The following ADA variants were observed in gnomAD, a reference collection of about 807,000 sequenced individuals.
The protein encoded by ADA is adenosine deaminase, also known as adenosine aminohydrolase.
In ADA, 45 loss-of-function variants were observed where a neutral mutation model predicts 49.0. That is an observed-to-expected ratio of 0.92 (90% CI 0.72 to 1.18). ADA has a LOEUF of 1.18. ADA is among the 50% of genes most tolerant of loss of function. The pLI is 0.00. For synonymous variants in ADA, 173 were observed against 184.2 expected, an observed-to-expected ratio of 0.94 and a Z score of 0.49; for missense variants, 445 against 472.5, an observed-to-expected ratio of 0.94 and a Z score of 0.54.
chr20:44,638,341 C>T (rs546553166), intron 1 of ADA, among the ~76,000 whole-genome samples: 2 of 152,174 alleles, frequency 1.3e-5, no homozygotes, highest in Non-Finnish European at 2.9e-5. Context: ...TTTGGGAGGC[C>T]GAGGTGGGTG....
At chr20:44,638,172 C>A (rs2065497780) in intron 1 of ADA, among the ~76,000 whole-genome samples, 1 of 152,234 alleles carries the variant, frequency 6.6e-6, no homozygotes. Flanking sequence ...GCATCCTCAT[C>A]TGTTAAGTGG....
intron 1 of ADA, among the ~76,000 whole-genome samples, chr20:44,643,205 G>A (rs560136739): frequency 6.6e-6 from 1 of 152,312 alleles, no homozygotes; most frequent in African/African-American, 2.4e-5. Flanking sequence ...TATCTACTAT[G>A]TGCTAGACCA....
rs1054363452 is a variant in ADA, at chr20:44,621,217, G to T, written c.846-70C>A. The T allele has an allele frequency of 1.9e-6, 3 of 1,595,006 alleles. No individual in the cohort carries two copies. The South Asian group carries it at 3.3e-5, about 18-fold the overall frequency. On this transcript the variant is annotated intron_variant, in intron 9 of 11. Transcript: ENST00000372874. ...ACATAAATAGTCAGAACACATTGAC[G>T]TTCACCCGCCTTTGATCCTCACAGC...
chr20:44,648,404 G>A (rs1034408452), intron 1 of ADA, among the ~76,000 whole-genome samples: 7 of 152,080 alleles, frequency 4.6e-5, no homozygotes, highest in African/African-American at 9.7e-5. Flanking sequence ...AGATCCAGTC[G>A]TTATCTATGA....
intron 5 of ADA, 140 bp from the exon 6 acceptor site, chr20:44,624,469 A>G (rs2065363691): frequency 8.5e-7 from 1 of 1,178,176 alleles, no homozygotes; most frequent in South Asian, 1.2e-5. Context: ...CCTAACTGCT[A>G]TGTCCTAACC....
intron 3 of ADA, among the ~76,000 whole-genome samples, chr20:44,627,426 C>A (rs928440396): frequency 1.3e-5 from 2 of 152,200 alleles, no homozygotes; most frequent in Non-Finnish European, 2.9e-5. Flanking sequence ...CATGATCCGC[C>A]CACCTCAGCC....
intron 1 of ADA, among the ~76,000 whole-genome samples, chr20:44,649,767 A>C (rs1600953511): frequency 8.6e-6 from 1 of 116,940 alleles, no homozygotes; most frequent in African/African-American, 3.5e-5. Flanking sequence ...ACAGCGTCTC[A>C]CTCTGTCACC....
intron 2 of ADA, among the ~76,000 whole-genome samples, chr20:44,633,298 A>C (rs1471206233): frequency 6.6e-6 from 1 of 152,232 alleles, no homozygotes; most frequent in Non-Finnish European, 1.5e-5. Context: ...GAGAAAGAGC[A>C]GACTCTGAAG....
chr20:44,636,536 T>C (rs2065482262), intron 1 of ADA, among the ~76,000 whole-genome samples: 1 of 152,126 alleles, frequency 6.6e-6, no homozygotes, highest in South Asian at 2.1e-4. Context: ...ACACTGAGGT[T>C]CGGAGGTGTT....
chr20:44,626,424 TC>T (rs1275914484), intron 4 of ADA, 31 bp downstream of exon 4: 2 of 1,612,934 alleles, frequency 1.2e-6, no homozygotes, highest in African/African-American at 2.7e-5. Flanking sequence ...AGCCACACCC[TC>T]AGCATGGCCC....
intron 1 of ADA, among the ~76,000 whole-genome samples, chr20:44,637,323 C>T (rs1415191201): frequency 1.3e-5 from 2 of 152,104 alleles, no homozygotes; most frequent in South Asian, 2.1e-4. Context: ...AATATTATGC[C>T]CCCGTGTCCA....
chr20:44,623,898 C>CCA, intron 6 of ADA: 1 of 435,232 alleles, frequency 2.3e-6, no homozygotes. Context: ...CAGGCATGCA[C>CCA]CACCATGCCT....
At chr20:44,635,284 C>G (rs2065469993) in intron 2 of ADA, among the ~76,000 whole-genome samples, 1 of 152,114 alleles carries the variant, frequency 6.6e-6, no homozygotes, top group African/African-American at 2.4e-5. Context: ...TTGGAAGATG[C>G]AGAGATTTAG....
chr20:44,636,226 C>A lies in ADA; in HGVS notation c.95+1G>T. Reference sequence around the variant, plus strand: ...GAGAGGGCTCTTCTGTATGGACTTACCTGCCATAGTATAAGATGGTTTCAG... The same window carrying A: ...GAGAGGGCTCTTCTGTATGGACTTAACTGCCATAGTATAAGATGGTTTCAG... On this transcript the variant is annotated splice_donor_variant, in intron 2 of 11. Transcript: ENST00000372874. LOFTEE classifies it high-confidence loss of function. 1.2e-6 allele frequency: 2 copies of A among 1,609,660 alleles called. No homozygotes were observed. The highest frequency in any genetic ancestry group is 1.7e-6 in the Non-Finnish European group (2 of 1,177,716).
chr20:44,638,442 T>C (rs60829955), intron 1 of ADA, among the ~76,000 whole-genome samples: 2,127 of 152,168 alleles, frequency 0.014, 35 homozygotes, highest in African/African-American at 0.049. Context: ...CCAGGCGTGG[T>C]GGCGCACACC....
At chr20:44,638,824 G>A (rs2065504963) in intron 1 of ADA, among the ~76,000 whole-genome samples, 1 of 152,220 alleles carries the variant, frequency 6.6e-6, no homozygotes, top group Admixed American at 6.5e-5. Flanking sequence ...AATACATCTA[G>A]AGGGCCAACA....
At chr20:44,651,477 C>A (rs1202441442) in intron 1 of ADA, 98 bp downstream of exon 1, 2 of 1,236,438 alleles carry the variant, frequency 1.6e-6, no homozygotes, top group African/African-American at 1.5e-5. Context: ...AGCCCCCGTT[C>A]GTTCCCAGGG....
chr20:44,651,617 G>C lies in ADA; in HGVS notation c.-10C>G, dbSNP rs886056709. On this transcript the variant is annotated 5_prime_UTR_variant, in exon 1 of 12. Transcript: ENST00000372874. Reference sequence around the variant, plus strand: ...CGGGCGTCTGGGCCATGGTGCCCTCGTGCGCCCCGGCGCTGCTCCCTCCGC... The same window carrying C: ...CGGGCGTCTGGGCCATGGTGCCCTCCTGCGCCCCGGCGCTGCTCCCTCCGC... The C allele has an allele frequency of 6.5e-7, 1 of 1,531,514 alleles. No homozygotes were observed. The highest frequency in any genetic ancestry group is 1.9e-5 in the Admixed American group (1 of 51,500). 94.9% of individuals were successfully genotyped at this position (1,531,514 alleles called of 1,614,324 possible).
At chr20:44,621,292 A>C in intron 9 of ADA, 145 bp from the exon 10 acceptor site, 1 of 1,109,838 alleles carries the variant, frequency 9.0e-7, no homozygotes, top group Non-Finnish European at 1.3e-6. Context: ...GGGGGAAATA[A>C]ATTCAGAACT....
Sources: gnomAD v4.1 joint callset for allele counts (sites outside exome capture counted in the v4.1 genomes callset) on GRCh38, gnomAD v4.1.1 for gene constraint, MANE v1.5 for transcripts, NCBI Gene and HGNC (gene_info 2026-07-23, HGNC 2026-07-21) for gene names.